The following CABIN1 variants were observed in gnomAD, a reference collection of about 807,000 sequenced individuals.
The protein encoded by CABIN1 is calcineurin binding protein 1.
In CABIN1, 133 loss-of-function variants were observed where a neutral mutation model predicts 227.7. That is an observed-to-expected ratio of 0.58 (90% CI 0.51 to 0.67). The LOEUF is 0.67. Among genes scored for constraint, CABIN1 ranks in the 30% least tolerant of loss-of-function variants. The pLI is 0.00. For synonymous variants in CABIN1, 1,086 were observed against 1,155.1 expected (o/e 0.94, Z 1.21); for missense variants, 2,408 against 2,852.5 (o/e 0.84, Z 3.55).
chr22:24,119,315 TG>T, intron 27 of CABIN1, 51 bp from the exon 28 acceptor site: 1 of 1,508,412 alleles, frequency 6.6e-7, no homozygotes, highest in Non-Finnish European at 9.1e-7. Context: ...GACCACTGCA[TG>T]GACAGGGCCT....
chr22:24,098,269 G>T, intron 26 of CABIN1, 77 bp downstream of exon 26: 1 of 1,600,868 alleles, frequency 6.2e-7, no homozygotes, highest in East Asian at 2.2e-5. Context: ...GACTCATTTT[G>T]TCGCTTCGTT....
intron 30 of CABIN1, among the ~76,000 whole-genome samples, chr22:24,165,300 C>T (rs764819794): frequency 1.6e-4 from 25 of 152,218 alleles, no homozygotes; most frequent in Non-Finnish European, 3.1e-4. Context: ...GGGCCCACTG[C>T]AGAGGGCCTA....
In CABIN1 at chr22:24,167,064, C is replaced by G. The variant is rs1169431445; in HGVS notation, c.5433C>G (p.Thr1811=). The G allele has an allele frequency of 6.5e-7, 1 of 1,545,176 alleles. No homozygotes were observed. The highest frequency in any genetic ancestry group is 2.4e-5 in the East Asian group (1 of 40,820). The change falls in exon 32 of 37, where the codon ACC becomes ACG. Residue 1811 remains threonine (T), a synonymous_variant. Coordinates refer to ENST00000263119, the MANE Select transcript of CABIN1 (RefSeq NM_012295.4). ...ELSISARQQP[T]PLTPAQPAPA... Reference sequence around the variant, plus strand: ...GCATCAGTGCCCGGCAGCAGCCCACCCCGCTCACCCCAGCCCAGCCAGCCC... The same window carrying G: ...GCATCAGTGCCCGGCAGCAGCCCACGCCGCTCACCCCAGCCCAGCCAGCCC...
intron 33 of CABIN1, 24 bp from the exon 34 acceptor site, chr22:24,171,689 C>G (rs779802495): frequency 1.2e-6 from 2 of 1,613,794 alleles, no homozygotes; most frequent in Non-Finnish European, 1.7e-6. Context: ...GCCAGCCTTT[C>G]TCACCTCTTG....
At chr22:24,165,054 G>A (rs1330440006) in intron 30 of CABIN1, among the ~76,000 whole-genome samples, 3 of 152,200 alleles carry the variant, frequency 2.0e-5, no homozygotes, top group African/African-American at 7.2e-5. Flanking sequence ...GGGTGTTGGG[G>A]GGATCCTGGA....
intron 23 of CABIN1, among the ~76,000 whole-genome samples, chr22:24,090,476 T>C (rs1409421166): frequency 2.0e-5 from 3 of 152,002 alleles, no homozygotes; most frequent in Admixed American, 6.5e-5. Context: ...TGCTTTCCAC[T>C]GTATTTCACC....
At chr22:24,065,484 G>T (rs1240318830) in intron 15 of CABIN1, among the ~76,000 whole-genome samples, 1 of 151,596 alleles carries the variant, frequency 6.6e-6, no homozygotes, top group Non-Finnish European at 1.5e-5. Context: ...TCCTAGATGG[G>T]ATGGTGTCCG....
At chr22:24,076,032 A>G in intron 18 of CABIN1, 137 bp from the exon 19 acceptor site, 3 of 661,640 alleles carry the variant, frequency 4.5e-6, no homozygotes, top group Non-Finnish European at 5.3e-6. Flanking sequence ...AAAAAAAAAA[A>G]AAAAGGGAAA....
chr22:24,133,263 G>T (rs569230209), intron 28 of CABIN1, among the ~76,000 whole-genome samples: 1 of 152,340 alleles, frequency 6.6e-6, no homozygotes, highest in East Asian at 1.9e-4. Flanking sequence ...AGGCTTAGAG[G>T]CAGGCTAGCA....
At chr22:24,018,534 A>G (rs1324023093) in intron 1 of CABIN1, among the ~76,000 whole-genome samples, 1 of 152,224 alleles carries the variant, frequency 6.6e-6, no homozygotes, top group African/African-American at 2.4e-5. Flanking sequence ...TTCCAGCAGT[A>G]TTTAATACAA....
intron 1 of CABIN1, among the ~76,000 whole-genome samples, chr22:24,014,430 T>G (rs2035081935): frequency 2.6e-5 from 4 of 152,152 alleles, no homozygotes; most frequent in African/African-American, 9.6e-5. Flanking sequence ...ATTTTTTTTT[T>G]TTTCCTTCAA....
intron 1 of CABIN1, among the ~76,000 whole-genome samples, chr22:24,025,663 AGTTTT>A (rs756536834): frequency 6.6e-6 from 1 of 152,090 alleles, no homozygotes; most frequent in African/African-American, 2.4e-5. Context: ...CAGGTTGCAA[AGTTTT>A]GTTTTGTTTT....
chr22:24,055,125 C>T lies in CABIN1; in HGVS notation c.1059C>T (p.His353=). ...TSVATTSFPL[H]SPGLLETGAP... is the part of the protein sequence containing the mutation. ...TGGCTACAACCAGCTTCCCACTGCACAGTCCTGGTCTGTTGGAGACAGGCG... is the reference window on the plus strand; with the variant it reads ...TGGCTACAACCAGCTTCCCACTGCATAGTCCTGGTCTGTTGGAGACAGGCG... The change falls in exon 9 of 37, where the codon CAC becomes CAT. Residue 353 remains histidine, a synonymous_variant. Coordinates refer to ENST00000263119, the MANE Select transcript of CABIN1 (RefSeq NM_012295.4). 1 of 1,613,682 alleles carries T rather than the reference C, an allele frequency of 6.2e-7. No homozygotes were observed. Among genetic ancestry groups the T allele is most frequent in the Non-Finnish European group, 8.5e-7 (1 of 1,180,044 alleles).
chr22:24,037,760 C>T (rs2037035058), intron 3 of CABIN1, among the ~76,000 whole-genome samples: 1 of 152,144 alleles, frequency 6.6e-6, no homozygotes, highest in Non-Finnish European at 1.5e-5. Flanking sequence ...TCAGACTCCA[C>T]AGCACTAACA....
intron 26 of CABIN1, among the ~76,000 whole-genome samples, chr22:24,109,221 C>CTTT (rs869266886): frequency 7.5e-6 from 1 of 133,306 alleles, no homozygotes. Context: ...TTATATTTTG[C>CTTT]TTTTTTTTTT....
rs574782465 is a variant in CABIN1 at position 24,040,694 on chromosome 22, A to G, written c.211-445A>G. On this transcript the variant is annotated intron_variant, in intron 4 of 36. Coordinates refer to ENST00000263119, the MANE Select transcript of CABIN1 (RefSeq NM_012295.4). ...TGTCTATGCTCATGTGATGAGTTAT[A>G]GAGTTGGGAGCTCAGTCTCTTGATT... 3.9e-4 allele frequency among the ~76,000 whole-genome samples: 60 copies of G among 152,368 alleles called. No homozygotes were observed. In the East Asian group the frequency reaches 0.01, roughly 26 times the overall value.
chr22:24,170,845 T>C (rs13055615), intron 33 of CABIN1, among the ~76,000 whole-genome samples: 2,846 of 139,746 alleles, frequency 0.02, 36 homozygotes, highest in South Asian at 0.04. Context: ...GCTGTCAGCC[T>C]CATGTGGGCC....
chr22:24,045,273 G>A (rs1329015360), intron 6 of CABIN1, among the ~76,000 whole-genome samples: 2 of 151,940 alleles, frequency 1.3e-5, no homozygotes, highest in Non-Finnish European at 2.9e-5. Flanking sequence ...TTTTTCCAGT[G>A]TACACCTCGA....
At position 24,059,370 on chromosome 22, in the gene CABIN1, A is replaced by G; in HGVS notation, c.1399+7A>G. On this transcript the variant is annotated splice_region_variant and intron_variant, in intron 11 of 36. Transcript: ENST00000263119. ...GCCACATTCATGGAATCTGGTAGGAATCGAGCAGTGTGACCATTCACTTTG... is the reference window on the plus strand; with the variant it reads ...GCCACATTCATGGAATCTGGTAGGAGTCGAGCAGTGTGACCATTCACTTTG... The G allele has an allele frequency of 6.2e-7, 1 of 1,614,068 alleles. No homozygotes were observed. The highest frequency in any genetic ancestry group is 8.5e-7 in the Non-Finnish European group (1 of 1,179,958).
Sources: allele counts gnomAD v4.1 joint callset (sites outside exome capture counted in the v4.1 genomes callset), GRCh38; gene constraint gnomAD v4.1.1; transcripts MANE v1.5; gene names NCBI Gene and HGNC (gene_info 2026-07-23, HGNC 2026-07-21).